Variants in MYSM1 observed in about 807,000 individuals in gnomAD.
The protein encoded by MYSM1 is Myb like, SWIRM and MPN domains 1, also known as deubiquitinase MYSM1.
In MYSM1, 51 loss-of-function variants were observed where a neutral mutation model predicts 116.0. That is an observed-to-expected ratio of 0.44 (90% CI 0.35 to 0.56). The LOEUF is 0.56. Among genes scored for constraint, MYSM1 ranks in the 20% least tolerant of loss-of-function variants. The pLI, the probability that MYSM1 is intolerant of heterozygous loss-of-function variation, is 0.00. For missense variants in MYSM1, 900 were observed against 974.9 expected (o/e 0.92, Z 1.02); for synonymous variants, 313 against 315.2 (o/e 0.99, Z 0.07).
At chr1:58,661,143 G>A (rs763707393) in intron 19 of MYSM1, 27 bp downstream of exon 19, 7 of 1,576,726 alleles carry the variant, frequency 4.4e-6, no homozygotes, top group East Asian at 4.5e-5. Context: ...GTGAACAATG[G>A]AACCAATTAA....
At chr1:58,691,431 T>C (rs1285457337) in intron 3 of MYSM1, among the ~76,000 whole-genome samples, 2 of 152,238 alleles carry the variant, frequency 1.3e-5, no homozygotes, top group Non-Finnish European at 2.9e-5. Context: ...ATACTCTCAT[T>C]ATTTGTTTCC....
At position 58,659,998 on chromosome 1, in the gene MYSM1, C is replaced by T. The variant is rs1644367784; in HGVS notation, c.2486G>A (p.Ter829=). 6.5e-7 allele frequency: 1 copy of T among 1,537,378 alleles called. No homozygotes were observed. The highest frequency in any genetic ancestry group is 8.8e-7 in the Non-Finnish European group (1 of 1,139,356). The change falls in exon 20 of 20, where the codon TGA becomes TAA. Residue 829 remains the stop codon, a stop_retained_variant. Coordinates refer to ENST00000472487, the MANE Select transcript of MYSM1 (RefSeq NM_001085487.3). The stretch of plus-strand genomic sequence containing the variant: ...TAAAATGTCTTAACTTTAAAATAAT[C>T]ACATTAACAATTCCTTTGTACAGTT... The part of the protein sequence containing the change: ...EENCTKELLM[*]
Position 58,682,072 on chromosome 1 carries a change from G to A in MYSM1, c.972C>T (p.Asn324=). The change falls in exon 8 of 20, where the codon AAC becomes AAT. Residue 324 remains asparagine, a synonymous_variant. Coordinates refer to ENST00000472487, the MANE Select transcript of MYSM1 (RefSeq NM_001085487.3). Reference sequence around the variant, plus strand: ...CTATTATTCCCCTTCCATCATGCTTGTTGCAGTTTTTAATCAATTCATTAA... The same window carrying A: ...CTATTATTCCCCTTCCATCATGCTTATTGCAGTTTTTAATCAATTCATTAA... The part of the protein sequence containing the change: ...QKFNELIKNC[N]KHDGRGIIVD... The A allele has an allele frequency of 2.5e-6, 4 of 1,614,054 alleles. No individual in the cohort carries two copies. Among genetic ancestry groups the A allele is most frequent in the Non-Finnish European group, 3.4e-6 (4 of 1,180,000 alleles).
At chr1:58,675,325 C>A in intron 10 of MYSM1, 152 bp downstream of exon 10, 3 of 570,634 alleles carry the variant, frequency 5.3e-6, no homozygotes, top group South Asian at 5.4e-5. Context: ...TGAATGAAAC[C>A]CAGAAAAGCG....
intron 7 of MYSM1, 74 bp from the exon 8 acceptor site, chr1:58,682,619 GATAAAT>G: frequency 7.5e-7 from 1 of 1,332,632 alleles, no homozygotes; most frequent in Non-Finnish European, 1.0e-6. Flanking sequence ...CACAAAAAAG[GATAAAT>G]ATACAGTGTT....
intron 1 of MYSM1, among the ~76,000 whole-genome samples, chr1:58,695,571 G>A (rs1214471440): frequency 1.3e-5 from 2 of 151,578 alleles, no homozygotes; most frequent in Admixed American, 6.6e-5. Context: ...GTACCCATGT[G>A]TATACAGGAA....
intron 10 of MYSM1, among the ~76,000 whole-genome samples, chr1:58,674,614 A>G (rs570658894): frequency 1.3e-5 from 2 of 152,332 alleles, no homozygotes; most frequent in South Asian, 2.1e-4. Context: ...GGATCATATT[A>G]TGACTCTGCC....
intron 6 of MYSM1, among the ~76,000 whole-genome samples, chr1:58,686,117 G>T (rs1205678574): frequency 1.3e-5 from 2 of 151,862 alleles, no homozygotes; most frequent in East Asian, 1.9e-4. Context: ...TAGAGATGGG[G>T]TCTCACTATG....
intron 6 of MYSM1, among the ~76,000 whole-genome samples, chr1:58,688,308 T>C (rs573925383): frequency 6.6e-6 from 1 of 151,746 alleles, no homozygotes; most frequent in East Asian, 1.9e-4. Flanking sequence ...TATATACAAA[T>C]ATTCTATATA....
In MYSM1 at chr1:58,676,710, C is replaced by T. The variant is rs116787306; in HGVS notation, c.1390+216G>A. The stretch of plus-strand genomic sequence containing the variant: ...TCTATTACTTAGATTGAATATTTTA[C>T]CTTTAAAGTTACACTCTCAATTTTC... On this transcript the variant is annotated intron_variant, in intron 9 of 19. Coordinates refer to ENST00000472487, the MANE Select transcript of MYSM1 (RefSeq NM_001085487.3). 2,457 of 320,342 alleles carry T rather than the reference C, an allele frequency of 7.7e-3. 56 individuals carry two copies. The highest frequency in any genetic ancestry group is 0.051 in the African/African-American group (2,268 of 44,676). The allele number at this position is 320,342 out of a possible 1,614,324, so 19.8% of individuals were successfully genotyped here.
At chr1:58,672,795 T>TA (rs1443211167) in intron 11 of MYSM1, among the ~76,000 whole-genome samples, 1 of 152,138 alleles carries the variant, frequency 6.6e-6, no homozygotes, top group Non-Finnish European at 1.5e-5. Flanking sequence ...GGGAGAAACT[T>TA]ACAATTCTTG....
rs562380803 is a variant in MYSM1 at position 58,664,611 on chromosome 1, T to A, written c.2164+888A>T. Among the ~76,000 whole-genome samples the A allele has an allele frequency of 3.3e-5, 5 of 152,262 alleles. No individual in the cohort carries two copies. In the South Asian group the frequency reaches 1.0e-3, roughly 32 times the overall value. On this transcript the variant is annotated intron_variant, in intron 17 of 19. Transcript: ENST00000472487. Reference sequence around the variant, plus strand: ...TGGGGGCAGTGCTGGTAAATCTACATCAAATATAGGGCATCCAAGAGAGAT... The same window carrying A: ...TGGGGGCAGTGCTGGTAAATCTACAACAAATATAGGGCATCCAAGAGAGAT...
chr1:58,691,908 A>G (rs905099282), intron 3 of MYSM1, among the ~76,000 whole-genome samples: 3 of 152,220 alleles, frequency 2.0e-5, no homozygotes, highest in African/African-American at 7.2e-5. Flanking sequence ...TCAAAGACTT[A>G]GTACAAAAAT....
chr1:58,696,928 GAAT>G (rs1644983160), intron 1 of MYSM1, among the ~76,000 whole-genome samples: 1 of 152,160 alleles, frequency 6.6e-6, no homozygotes, highest in Non-Finnish European at 1.5e-5. Context: ...GGAGTGAAGA[GAAT>G]AATATGATCA....
chr1:58,670,725 T>C (rs1317611971), intron 12 of MYSM1, among the ~76,000 whole-genome samples: 1 of 152,258 alleles, frequency 6.6e-6, no homozygotes, highest in Non-Finnish European at 1.5e-5. Context: ...AATGTCTTCG[T>C]TGTTTAAATA....
At chr1:58,661,068 G>T in intron 19 of MYSM1, 102 bp downstream of exon 19, 1 of 827,076 alleles carries the variant, frequency 1.2e-6, no homozygotes, top group South Asian at 1.7e-5. Context: ...GAAATATACA[G>T]AAAATTATCC....
intron 1 of MYSM1, among the ~76,000 whole-genome samples, chr1:58,698,102 A>ATATATATATATATATATATATATTTTTTT: frequency 1.3e-4 from 1 of 7,766 alleles, no homozygotes; most frequent in African/African-American, 2.6e-4. Flanking sequence ...ATATATATAT[A>ATATATATATATATATATATATATTTTTTT]TTTTTTTTTT....
intron 12 of MYSM1, among the ~76,000 whole-genome samples, chr1:58,670,639 C>T (rs6683627): frequency 0.25 from 38,480 of 152,012 alleles, 5,165 homozygotes; most frequent in Middle Eastern, 0.37. Flanking sequence ...ACAAGACATC[C>T]GATATGATTA....
chr1:58,689,671 A>G (rs1429878978), intron 5 of MYSM1: 1 of 152,630 alleles, frequency 6.6e-6, no homozygotes, highest in Non-Finnish European at 1.5e-5. Flanking sequence ...ACTTCATTTC[A>G]TTGTTTATTC....
Sources: gnomAD v4.1 joint callset for allele counts (sites outside exome capture counted in the v4.1 genomes callset) on GRCh38, gnomAD v4.1.1 for gene constraint, MANE v1.5 for transcripts, NCBI Gene and HGNC (gene_info 2026-07-23, HGNC 2026-07-21) for gene names.